Variants in SERPINI1 observed in about 807,000 individuals in gnomAD.
The protein encoded by SERPINI1 is serpin family I member 1.
SERPINI1 carries 19 observed loss-of-function variants against 41.1 expected under a neutral mutation model. That is an observed-to-expected ratio of 0.46 (90% CI 0.32 to 0.68). SERPINI1 has a LOEUF of 0.68. Ranked by LOEUF, SERPINI1 falls within the 30% of genes least tolerant of loss-of-function variation. The pLI, the probability that SERPINI1 is intolerant of heterozygous loss-of-function variation, is 0.03. For synonymous variants in SERPINI1, 138 were observed against 156.6 expected, an observed-to-expected ratio of 0.88 and a Z score of 0.89; for missense variants, 460 against 479.2, an observed-to-expected ratio of 0.96 and a Z score of 0.37.
intron 7 of SERPINI1, among the ~76,000 whole-genome samples, chr3:167,823,316 G>A (rs796237479): frequency 6.6e-6 from 1 of 152,088 alleles, no homozygotes; most frequent in African/African-American, 2.4e-5. Context: ...GGAGGACATT[G>A]GCAGTTCTGC....
chr3:167,771,421 A>G (rs2108545745), intron 1 of SERPINI1, among the ~76,000 whole-genome samples: 1 of 152,324 alleles, frequency 6.6e-6, no homozygotes, highest in South Asian at 2.1e-4. Flanking sequence ...GTGTATACGA[A>G]TGTATATTAT....
chr3:167,754,186 A>G (rs953427726), intron 1 of SERPINI1, among the ~76,000 whole-genome samples: 5 of 152,184 alleles, frequency 3.3e-5, no homozygotes, highest in Admixed American at 2.0e-4. Flanking sequence ...CATGAAATCC[A>G]GGAGGGATAA....
Position 167,789,298 on chromosome 3 carries a change from T to A in SERPINI1, c.170T>A (p.Met57Lys). Residue 57 changes from methionine (M) to lysine (K), a missense_variant, in exon 2 of 9, where the codon ATG becomes AAG. Transcript: ENST00000446050. The part of the protein sequence containing the change: ...LFSPLSIALA[M>K]GMMELGAQGS... ...TCTCCATTGAGTATTGCTCTTGCAA[T>A]GGGAATGATGGAACTTGGGGCCCAA... The A allele has an allele frequency of 6.2e-7, 1 of 1,614,114 alleles. No individual in the cohort carries two copies.
chr3:167,784,881 TA>T (rs566163477), intron 1 of SERPINI1, among the ~76,000 whole-genome samples: 1 of 152,098 alleles, frequency 6.6e-6, no homozygotes, highest in Non-Finnish European at 1.5e-5. Flanking sequence ...TTGTTTAACT[TA>T]AAAAAATATA....
At chr3:167,738,262 A>G (rs1725549529) in intron 1 of SERPINI1, among the ~76,000 whole-genome samples, 1 of 152,210 alleles carries the variant, frequency 6.6e-6, no homozygotes, top group African/African-American at 2.4e-5. Flanking sequence ...TCTCTCTTGA[A>G]TGGAAATTGC....
intron 1 of SERPINI1, among the ~76,000 whole-genome samples, chr3:167,759,817 A>T (rs1428181030): frequency 6.6e-6 from 1 of 151,990 alleles, no homozygotes; most frequent in East Asian, 1.9e-4. Flanking sequence ...CAGCTAAAGT[A>T]AAAAAAAGCC....
chr3:167,759,824 A>C (rs1726321701), intron 1 of SERPINI1, among the ~76,000 whole-genome samples: 1 of 152,218 alleles, frequency 6.6e-6, no homozygotes, highest in Admixed American at 6.5e-5. Context: ...AGTAAAAAAA[A>C]GCCATAAATA....
chr3:167,816,385 A>G (rs1014301303), intron 6 of SERPINI1, among the ~76,000 whole-genome samples: 4 of 152,194 alleles, frequency 2.6e-5, no homozygotes, highest in Non-Finnish European at 5.9e-5. Flanking sequence ...TTATGAACAG[A>G]GTTGTGGTCA....
chr3:167,797,709 AG>A (rs1456142812), intron 5 of SERPINI1, among the ~76,000 whole-genome samples: 2 of 149,400 alleles, frequency 1.3e-5, no homozygotes, highest in Non-Finnish European at 3.0e-5. Flanking sequence ...TCTATTCTTA[AG>A]GAGAGGTAGT....
At chr3:167,809,453 G>A (rs1356273649) in intron 6 of SERPINI1, among the ~76,000 whole-genome samples, 1 of 152,194 alleles carries the variant, frequency 6.6e-6, no homozygotes, top group East Asian at 1.9e-4. Context: ...TAGCACTGCA[G>A]TGGGAAATCA....
chr3:167,807,006 G>A (rs956859714), intron 5 of SERPINI1, among the ~76,000 whole-genome samples: 17 of 152,036 alleles, frequency 1.1e-4, no homozygotes, highest in African/African-American at 3.9e-4. Flanking sequence ...TTATGGTTTT[G>A]TGTCTATATC....
At chr3:167,785,949 AG>A (rs1255015994) in intron 1 of SERPINI1, among the ~76,000 whole-genome samples, 98 of 152,350 alleles carry the variant, frequency 6.4e-4, no homozygotes, top group African/African-American at 2.3e-3. Flanking sequence ...TGAACAAATG[AG>A]TCATTAGGCA....
chr3:167,802,430 G>GA (rs1727930161), intron 5 of SERPINI1, among the ~76,000 whole-genome samples: 1 of 149,374 alleles, frequency 6.7e-6, no homozygotes, highest in Non-Finnish European at 1.5e-5. Context: ...AAATTTACAA[G>GA]AAAAAAACAA....
intron 1 of SERPINI1, among the ~76,000 whole-genome samples, chr3:167,766,342 A>AAGAG (rs921671223): frequency 1.3e-5 from 2 of 152,066 alleles, no homozygotes; most frequent in African/African-American, 4.8e-5. Context: ...GCAGCAGGCA[A>AAGAG]AGAGAGAGAG....
intron 3 of SERPINI1, 143 bp from the exon 4 acceptor site, chr3:167,792,447 G>A: frequency 1.6e-6 from 1 of 634,264 alleles, no homozygotes; most frequent in Admixed American, 2.9e-5. Flanking sequence ...CCCTTTGGAA[G>A]TAAGATACTT....
intron 1 of SERPINI1, among the ~76,000 whole-genome samples, chr3:167,763,381 G>GTGTA (rs1435590666): frequency 6.8e-4 from 102 of 149,866 alleles, no homozygotes; most frequent in African/African-American, 2.5e-3. Flanking sequence ...GTGTGTGTAT[G>GTGTA]TGTGTGTGTG....
In SERPINI1 at chr3:167,778,920, T is replaced by A. The variant is rs78416569; in HGVS notation, c.-18-10191T>A. Among the ~76,000 whole-genome samples the A allele has an allele frequency of 4.7e-3, 720 of 152,284 alleles. 4 individuals carry two copies. Among genetic ancestry groups the A allele is most frequent in the East Asian group, 0.033 (169 of 5,180 alleles). On this transcript the variant is annotated intron_variant, in intron 1 of 8. Transcript: ENST00000446050. ...GAGCAAGGACAGATAGTTTGGGGGG[T>A]TAGAAGCAAGATGACATCAGCTGTG... is the stretch of plus-strand genomic sequence containing the variant.
At chr3:167,768,559 T>C (rs1373164489) in intron 1 of SERPINI1, among the ~76,000 whole-genome samples, 2 of 152,226 alleles carry the variant, frequency 1.3e-5, no homozygotes, top group African/African-American at 4.8e-5. Context: ...TCAGTGATCA[T>C]GCATTATTTG....
At chr3:167,811,504 A>G (rs1577432075) in intron 6 of SERPINI1, among the ~76,000 whole-genome samples, 1 of 152,088 alleles carries the variant, frequency 6.6e-6, no homozygotes, top group Admixed American at 6.6e-5. Flanking sequence ...ATAGAACAAT[A>G]TATGTATGTA....
Sources: gnomAD v4.1 joint callset for allele counts (sites outside exome capture counted in the v4.1 genomes callset) on GRCh38, gnomAD v4.1.1 for gene constraint, MANE v1.5 for transcripts, NCBI Gene and HGNC (gene_info 2026-07-23, HGNC 2026-07-21) for gene names.